Variants in EPHA6 observed in about 807,000 individuals in gnomAD.
EPHA6 encodes the protein ephrin type-A receptor 6.
A neutral mutation model predicts 112.0 loss-of-function variants in EPHA6; 50 were observed. The observed-to-expected ratio is 0.45, with a 90% CI of 0.36 to 0.56. The LOEUF (loss-of-function observed/expected upper bound fraction) is 0.56. Ranked by LOEUF, EPHA6 falls within the 20% of genes least tolerant of loss-of-function variation. EPHA6 has a pLI of 0.00. For missense variants in EPHA6, 1,280 were observed against 1,417.4 expected (o/e 0.90, Z 1.56); for synonymous variants, 529 against 490.7 (o/e 1.08, Z -1.03).
chr3:97,158,076 T>C (rs569608693), intron 3 of EPHA6, among the ~76,000 whole-genome samples: 1 of 152,304 alleles, frequency 6.6e-6, no homozygotes, highest in East Asian at 1.9e-4. Context: ...ACAGTTATCC[T>C]GTGTACAACC....
chr3:97,539,030 T>TCTTG (rs1553805979), intron 11 of EPHA6, among the ~76,000 whole-genome samples: 52 of 145,728 alleles, frequency 3.6e-4, no homozygotes, highest in East Asian at 2.0e-3. Flanking sequence ...TTTCTTTCTT[T>TCTTG]CTTTCTTGCT....
intron 2 of EPHA6, among the ~76,000 whole-genome samples, chr3:96,952,669 A>G (rs1482989134): frequency 6.6e-6 from 1 of 152,208 alleles, no homozygotes; most frequent in Non-Finnish European, 1.5e-5. Flanking sequence ...CAGTGTTAAC[A>G]TTATTTGACC....
intron 3 of EPHA6, among the ~76,000 whole-genome samples, chr3:97,088,393 A>G (rs968863312): frequency 8.5e-5 from 13 of 152,116 alleles, no homozygotes; most frequent in African/African-American, 1.7e-4. Context: ...AGGATTATTC[A>G]TGTGAGAAGG....
chr3:96,958,085 T>G (rs768689524), intron 2 of EPHA6, among the ~76,000 whole-genome samples: 1 of 152,116 alleles, frequency 6.6e-6, no homozygotes, highest in Non-Finnish European at 1.5e-5. Flanking sequence ...TCTACTGTTG[T>G]GTCTTGACCA....
chr3:97,324,290 A>C (rs2082259268), intron 5 of EPHA6, among the ~76,000 whole-genome samples: 1 of 152,010 alleles, frequency 6.6e-6, no homozygotes, highest in South Asian at 2.1e-4. Context: ...CCTTCCTCTG[A>C]ATACATCTAG....
Position 97,671,278 on chromosome 3 carries a change from C to T in EPHA6, c.2784+33196C>T, listed in dbSNP as rs112493118. Among the ~76,000 whole-genome samples, 584 of 152,252 alleles carry T rather than the reference C, an allele frequency of 3.8e-3. 4 individuals are homozygous for T. Among genetic ancestry groups the T allele is most frequent in the African/African-American group, 0.013 (544 of 41,548 alleles). ...AGCAGTCACTTTATCCAATCATCTC[C>T]TGCTCCTCTCTCTCTCTTAATTCTA... On this transcript the variant is annotated intron_variant, in intron 14 of 17. Coordinates refer to ENST00000389672, the MANE Select transcript of EPHA6 (RefSeq NM_001080448.3).
chr3:97,370,046 G>A (rs1211076564), intron 5 of EPHA6, among the ~76,000 whole-genome samples: 1 of 152,116 alleles, frequency 6.6e-6, no homozygotes, highest in African/African-American at 2.4e-5. Context: ...ATCTACCTCT[G>A]CCCTACAATC....
In EPHA6 at chr3:97,191,664, C is replaced by T. The variant is rs535711319; in HGVS notation, c.1115-34600C>T. Among the ~76,000 whole-genome samples, 11 of 152,166 alleles carry T rather than the reference C, an allele frequency of 7.2e-5. No individual in the cohort carries two copies. The South Asian group carries it at 1.2e-3, about 17-fold the overall frequency. On this transcript the variant is annotated intron_variant, in intron 3 of 17. Coordinates refer to ENST00000389672, the MANE Select transcript of EPHA6 (RefSeq NM_001080448.3). ...AGTGACAGAATCTCATTTTCTTTCA[C>T]GGCTGACTAGTATTCCACTGTGTAT...
At chr3:97,570,014 T>C (rs1246229571) in intron 11 of EPHA6, 1 of 152,206 alleles carries the variant, frequency 6.6e-6, no homozygotes, top group Non-Finnish European at 1.5e-5. Context: ...ATTTCTCACG[T>C]GTAGAATCGA....
intron 6 of EPHA6, among the ~76,000 whole-genome samples, chr3:97,424,080 G>A (rs545862513): frequency 6.6e-6 from 1 of 152,210 alleles, no homozygotes; most frequent in Non-Finnish European, 1.5e-5. Flanking sequence ...GGCTGGTGAG[G>A]CCTCACAATC....
At chr3:97,603,559 A>T (rs779247339) in intron 12 of EPHA6, among the ~76,000 whole-genome samples, 12 of 151,910 alleles carry the variant, frequency 7.9e-5, no homozygotes, top group Non-Finnish European at 1.3e-4. Context: ...TAGTGACTAT[A>T]TAAACTGAGG....
chr3:97,137,358 C>G (rs2075792111), intron 3 of EPHA6, among the ~76,000 whole-genome samples: 1 of 152,012 alleles, frequency 6.6e-6, no homozygotes, highest in South Asian at 2.1e-4. Flanking sequence ...TTTTACTTGC[C>G]AGGAGTATAT....
intron 16 of EPHA6, chr3:97,745,604 A>G (rs1316267140): frequency 5.0e-6 from 1 of 201,494 alleles, no homozygotes; most frequent in Non-Finnish European, 1.0e-5. Flanking sequence ...TCATATATAA[A>G]GAATACAACC....
chr3:97,683,231 T>G (rs1000335562), intron 14 of EPHA6, among the ~76,000 whole-genome samples: 1 of 152,184 alleles, frequency 6.6e-6, no homozygotes, highest in African/African-American at 2.4e-5. Context: ...TGAATATGTA[T>G]AATTTTAATT....
At chr3:96,861,596 A>G (rs978287508) in intron 1 of EPHA6, among the ~76,000 whole-genome samples, 2 of 152,036 alleles carry the variant, frequency 1.3e-5, no homozygotes, top group Non-Finnish European at 2.9e-5. Context: ...AAAAGCTAAC[A>G]TCACTATGTT....
intron 14 of EPHA6, among the ~76,000 whole-genome samples, chr3:97,674,048 C>T (rs569747301): frequency 9.2e-5 from 14 of 152,136 alleles, no homozygotes; most frequent in South Asian, 2.1e-4. Flanking sequence ...ATGTGCAGAA[C>T]GACAGAAAGA....
At chr3:97,103,853 CT>C (rs1320044563) in intron 3 of EPHA6, among the ~76,000 whole-genome samples, 1 of 151,806 alleles carries the variant, frequency 6.6e-6, no homozygotes, top group Non-Finnish European at 1.5e-5. Flanking sequence ...CCTTGTAGAG[CT>C]TTTTCACCTC....
intron 5 of EPHA6, among the ~76,000 whole-genome samples, chr3:97,356,222 G>A (rs2084069590): frequency 6.6e-6 from 1 of 152,180 alleles, no homozygotes; most frequent in East Asian, 1.9e-4. Context: ...GTCTGTCACT[G>A]TCTTCCATCA....
chr3:97,721,489 T>C (rs2034523835), intron 15 of EPHA6, among the ~76,000 whole-genome samples: 1 of 152,194 alleles, frequency 6.6e-6, no homozygotes. Context: ...GTACTGTGGG[T>C]GTCTACTGAC....
Sources: gnomAD v4.1 joint callset for allele counts (sites outside exome capture counted in the v4.1 genomes callset) on GRCh38, gnomAD v4.1.1 for gene constraint, MANE v1.5 for transcripts, NCBI Gene and HGNC (gene_info 2026-07-23, HGNC 2026-07-21) for gene names.